Variants in ABCA13 observed in about 807,000 individuals in gnomAD.
ABCA13 encodes the protein ATP binding cassette subfamily A member 13.
A neutral mutation model predicts 478.7 loss-of-function variants in ABCA13; 476 were observed. The ratio of observed to expected loss-of-function variants is 0.99; its 90% CI spans 0.92 to 1.07. The LOEUF (loss-of-function observed/expected upper bound fraction) is 1.07. Among genes scored for constraint, ABCA13 ranks in the 50% least tolerant of loss-of-function variants. The probability of loss-of-function intolerance (pLI) is 0.00; values close to 1 mark genes in which losing one functional copy is unlikely to be tolerated. For synonymous variants in ABCA13, 2,252 were observed against 2,158.9 expected (o/e 1.04, Z -1.20); for missense variants, 6,060 against 5,910.6 (o/e 1.03, Z -0.83).
At chr7:48,365,657 C>A (rs1282079645) in intron 31 of ABCA13, among the ~76,000 whole-genome samples, 1 of 152,148 alleles carries the variant, frequency 6.6e-6, no homozygotes, top group Non-Finnish European at 1.5e-5. Context: ...TTTCCAGCAT[C>A]ATTTATTGAA....
intron 19 of ABCA13, 48 bp from the exon 20 acceptor site, chr7:48,287,912 A>C: frequency 7.0e-7 from 1 of 1,438,232 alleles, no homozygotes. Context: ...TGGCTAGTTC[A>C]GGAGAGGACT....
intron 23 of ABCA13, among the ~76,000 whole-genome samples, chr7:48,304,749 A>G (rs1800656184): frequency 6.6e-6 from 1 of 152,138 alleles, no homozygotes; most frequent in South Asian, 2.1e-4. Flanking sequence ...ACAAACCTGC[A>G]TGTACTCCGT....
At chr7:48,317,888 T>A (rs187776838) in intron 27 of ABCA13, among the ~76,000 whole-genome samples, 2 of 152,330 alleles carry the variant, frequency 1.3e-5, no homozygotes, top group East Asian at 3.9e-4. Flanking sequence ...ATCTATTTAC[T>A]GCAGGATTTG....
intron 42 of ABCA13, among the ~76,000 whole-genome samples, chr7:48,435,576 C>A (rs1266396710): frequency 6.6e-6 from 1 of 151,724 alleles, no homozygotes; most frequent in African/African-American, 2.4e-5. Flanking sequence ...TGAAAGTGAG[C>A]ATCTTTGTCA....
At chr7:48,317,083 T>G in intron 26 of ABCA13, 74 bp from the exon 27 acceptor site, 1 of 1,511,066 alleles carries the variant, frequency 6.6e-7, no homozygotes, top group South Asian at 1.3e-5. Flanking sequence ...ATCCTGGATA[T>G]GTGAATGAAT....
At chr7:48,543,800 T>G (rs1439909505) in intron 55 of ABCA13, among the ~76,000 whole-genome samples, 3 of 151,792 alleles carry the variant, frequency 2.0e-5, no homozygotes, top group Non-Finnish European at 4.4e-5. Context: ...TAAAATGTAG[T>G]GCACAATTTC....
At chr7:48,564,073 T>C (rs1786769977) in intron 55 of ABCA13, among the ~76,000 whole-genome samples, 1 of 151,626 alleles carries the variant, frequency 6.6e-6, no homozygotes, top group Non-Finnish European at 1.5e-5. Context: ...TTTTTCCCTC[T>C]AGCTTTTTTC....
In ABCA13 at chr7:48,276,152, C is replaced by A. The variant is rs773332930; in HGVS notation, c.6486C>A (p.Ala2162=). Residue 2162 remains alanine (A), a synonymous_variant, in exon 17 of 62, where the codon GCC becomes GCA. Coordinates refer to ENST00000435803, the MANE Select transcript of ABCA13 (RefSeq NM_152701.5). ...CAACTGAAGATATAGCTTTGTTAGC[C>A]AAAGCTATTGCTACTTTTTGGGGCT... ...ESSTEDIALL[A]KAIATFWGSL... 3.8e-6 allele frequency: 6 copies of A among 1,596,282 alleles called. No individual in the cohort carries two copies. Among genetic ancestry groups the A allele is most frequent in the Non-Finnish European group, 5.1e-6 (6 of 1,171,374 alleles).
intron 10 of ABCA13, among the ~76,000 whole-genome samples, chr7:48,244,061 G>A (rs543157234): frequency 6.7e-4 from 102 of 152,240 alleles, no homozygotes; most frequent in Non-Finnish European, 1.0e-3. Context: ...TCTGGAGCCC[G>A]TTAGTCTGAC....
In ABCA13 at chr7:48,352,280, A is replaced by G. The variant is rs775183590; in HGVS notation, c.10481A>G (p.Tyr3494Cys). 6.2e-7 allele frequency: 1 copy of G among 1,613,890 alleles called. No homozygotes were observed. The highest frequency in any genetic ancestry group is 8.5e-7 in the Non-Finnish European group (1 of 1,179,884). Residue 3494 changes from tyrosine to cysteine, a missense_variant, in exon 31 of 62, where the codon TAC becomes TGC. Physicochemically the swap from Tyr to Cys is radical, Grantham distance 194. Transcript: ENST00000435803. ...TACACAATCCGGACCAATGTGTTAT[A>G]CAGCGTGCGAACAGATGTGGTAAAA... ...VSYTIRTNVL[Y>C]SVRTDVVKNP...
In ABCA13 at chr7:48,275,450, C is replaced by T. The variant is rs1796173772; in HGVS notation, c.5784C>T (p.Val1928=). The change falls in exon 17 of 62, where the codon GTC becomes GTT. Residue 1928 remains valine, a synonymous_variant. Coordinates refer to ENST00000435803, the MANE Select transcript of ABCA13 (RefSeq NM_152701.5). ...TTTGGCATAAGATATTACCGTTTGT[C>T]CCACCTTCAATAAATCAAACTAGGG... is the stretch of plus-strand genomic sequence containing the variant. ...QKFWHKILPF[V]PPSINQTRDS... The T allele has an allele frequency of 1.1e-5, 17 of 1,613,788 alleles. No homozygotes were observed. Among genetic ancestry groups the T allele is most frequent in the African/African-American group, 2.7e-5 (2 of 74,924 alleles).
chr7:48,359,606 A>G lies in ABCA13; in HGVS notation c.10688+7119A>G, dbSNP rs77749477. On this transcript the variant is annotated intron_variant, in intron 31 of 61. Coordinates refer to ENST00000435803, the MANE Select transcript of ABCA13 (RefSeq NM_152701.5). ...TGGTTGATGTGGACTGGTCCTGGGC[A>G]GTAGTGGTGATGGAGGCCGGTGGAG... 6.8e-3 allele frequency among the ~76,000 whole-genome samples: 1,037 copies of G among 152,030 alleles called. 30 individuals are homozygous for G. Among genetic ancestry groups the G allele is most frequent in the African/African-American group, 0.024 (996 of 41,326 alleles).
intron 31 of ABCA13, among the ~76,000 whole-genome samples, chr7:48,362,462 T>G (rs938045370): frequency 6.7e-6 from 1 of 149,782 alleles, no homozygotes; most frequent in Non-Finnish European, 1.5e-5. Context: ...TTGATATGAC[T>G]TTGCCCATCC....
In ABCA13 at chr7:48,279,877, G is replaced by T. The variant is rs1289641989; in HGVS notation, c.8683G>T (p.Val2895Leu). 6.5e-7 allele frequency: 1 copy of T among 1,538,632 alleles called. No individual in the cohort carries two copies. The highest frequency in any genetic ancestry group is 2.2e-5 in the Admixed American group (1 of 46,372). Residue 2895 changes from valine to leucine, a missense_variant, in exon 18 of 62, where the codon GTA becomes TTA. Coordinates refer to ENST00000435803, the MANE Select transcript of ABCA13 (RefSeq NM_152701.5). ...CLEKYLGGLF[V>L]LTKYWQQIPL... ...GGAGAAATACCTGGGAGGATTATTTGTATTGACTAAATACTGGCAACAAAT... is the reference window on the plus strand; with the variant it reads ...GGAGAAATACCTGGGAGGATTATTTTTATTGACTAAATACTGGCAACAAAT...
chr7:48,616,595 C>T (rs547531104), intron 59 of ABCA13, among the ~76,000 whole-genome samples: 4 of 152,224 alleles, frequency 2.6e-5, no homozygotes, highest in South Asian at 2.1e-4. Context: ...GTGCCTACTT[C>T]GGAGTTTGGG....
intron 48 of ABCA13, among the ~76,000 whole-genome samples, chr7:48,504,308 A>G (rs553564688): frequency 6.6e-6 from 1 of 152,250 alleles, no homozygotes; most frequent in African/African-American, 2.4e-5. Context: ...TCTTTCTGGA[A>G]GTTCTCTAGG....
intron 9 of ABCA13, among the ~76,000 whole-genome samples, chr7:48,240,151 C>T (rs964850969): frequency 1.3e-5 from 2 of 152,196 alleles, no homozygotes; most frequent in Non-Finnish European, 2.9e-5. Context: ...GCCAAAATCT[C>T]AAATGGTAGA....
intron 7 of ABCA13, among the ~76,000 whole-genome samples, chr7:48,230,374 A>G (rs941846796): frequency 9.9e-5 from 15 of 152,210 alleles, no homozygotes; most frequent in African/African-American, 3.6e-4. Context: ...CAGAGTCCCT[A>G]ACTAAATAAG....
chr7:48,243,601 T>A (rs1469613792), intron 10 of ABCA13, among the ~76,000 whole-genome samples: 1 of 152,236 alleles, frequency 6.6e-6, no homozygotes, highest in East Asian at 1.9e-4. Context: ...GGGACCTTGC[T>A]CACTCTCTCT....
Sources: allele counts gnomAD v4.1 joint callset (sites outside exome capture counted in the v4.1 genomes callset), GRCh38; gene constraint gnomAD v4.1.1; transcripts MANE v1.5; gene names NCBI Gene and HGNC (gene_info 2026-07-23, HGNC 2026-07-21).